The following GRK4 variants were observed in gnomAD, a reference collection of about 807,000 sequenced individuals.
GRK4 encodes G protein-coupled receptor kinase 4.
GRK4 carries 73 observed loss-of-function variants against 77.9 expected under a neutral mutation model. The observed-to-expected ratio is 0.94, with a 90% CI of 0.78 to 1.14. The LOEUF (loss-of-function observed/expected upper bound fraction) is 1.14, where lower values mean the gene tolerates loss of function less well. GRK4 is among the 50% of genes most tolerant of loss of function. GRK4 has a pLI of 0.00. For synonymous variants in GRK4, 257 were observed against 254.4 expected, an observed-to-expected ratio of 1.01 and a Z score of -0.10; for missense variants, 729 against 700.2, an observed-to-expected ratio of 1.04 and a Z score of -0.46.
intron 5 of GRK4, among the ~76,000 whole-genome samples, chr4:3,006,868 G>C (rs1731495796): frequency 6.6e-6 from 1 of 152,104 alleles, no homozygotes; most frequent in Admixed American, 6.6e-5. Flanking sequence ...ACTGGTCCTG[G>C]GATATTGTGA....
intron 15 of GRK4, among the ~76,000 whole-genome samples, chr4:3,040,153 C>G (rs1241144429): frequency 1.3e-5 from 2 of 152,090 alleles, no homozygotes; most frequent in Non-Finnish European, 2.9e-5. Flanking sequence ...AAATTAGCAG[C>G]CCCCTGGCCG....
intron 9 of GRK4, among the ~76,000 whole-genome samples, chr4:3,020,087 C>T (rs1026031281): frequency 2.6e-5 from 4 of 152,112 alleles, no homozygotes; most frequent in Non-Finnish European, 4.4e-5. Flanking sequence ...GGCACAATCT[C>T]GGCTCACTGC....
chr4:3,037,452 G>T lies in GRK4; in HGVS notation c.1486G>T (p.Asp496Tyr). 1 of 1,612,370 alleles carries T rather than the reference G, an allele frequency of 6.2e-7. No individual in the cohort carries two copies. Reference protein sequence around the residue: ...VVKGIYLDTADEDFYARFATG... With the variant: ...VVKGIYLDTAYEDFYARFATG... Reference sequence around the variant, plus strand: ...GAAAGGGATCTACCTGGACACCGCAGATGAAGACTTCTATGCTCGGTTTGC... The same window carrying T: ...GAAAGGGATCTACCTGGACACCGCATATGAAGACTTCTATGCTCGGTTTGC... Residue 496 changes from aspartate to tyrosine, a missense_variant, in exon 14 of 16, where the codon GAT becomes TAT. Physicochemically the swap from Asp to Tyr is radical, Grantham distance 160 (BLOSUM62 -3). Coordinates refer to ENST00000398052, the MANE Select transcript of GRK4 (RefSeq NM_182982.3).
chr4:2,978,930 C>T (rs1417776906), intron 1 of GRK4, among the ~76,000 whole-genome samples: 1 of 151,254 alleles, frequency 6.6e-6, no homozygotes. Flanking sequence ...CCGTCTCTTA[C>T]TGAAAATACA....
chr4:2,999,735 T>G (rs1021129837), intron 4 of GRK4, among the ~76,000 whole-genome samples: 5 of 152,186 alleles, frequency 3.3e-5, no homozygotes, highest in Non-Finnish European at 7.3e-5. Context: ...AGTGACTTCT[T>G]AGATATGACA....
Position 2,964,117 on chromosome 4 carries a change from G to C in GRK4, c.47G>C (p.Arg16Pro). ...GCCAACTCGCTGCTGCTGAAAGCGC[G>C]TCAAGGTGGGTGCGCGGCAGGCGCC... ...IVANSLLLKA[R>P]QGGYGKKSGR... Residue 16 changes from arginine (R) to proline (P), a missense_variant, in exon 1 of 16, where the codon CGT becomes CCT. Physicochemically the swap from Arg to Pro is moderately radical, Grantham distance 103 (BLOSUM62 -2). Transcript: ENST00000398052. 1 of 1,603,006 alleles carries C rather than the reference G, an allele frequency of 6.2e-7. No homozygotes were observed. Among genetic ancestry groups the C allele is most frequent in the Non-Finnish European group, 8.5e-7 (1 of 1,177,110 alleles).
At chr4:2,989,516 C>A (rs1330727307) in intron 3 of GRK4, among the ~76,000 whole-genome samples, 1 of 152,148 alleles carries the variant, frequency 6.6e-6, no homozygotes, top group Admixed American at 6.5e-5. Flanking sequence ...TGGGTTCAAG[C>A]AATTCTTCTG....
chr4:3,040,569 T>C lies in GRK4; in HGVS notation c.1684-3T>C. On this transcript the variant is annotated splice_polypyrimidine_tract_variant and splice_region_variant and intron_variant, in intron 15 of 15. Coordinates refer to ENST00000398052, the MANE Select transcript of GRK4 (RefSeq NM_182982.3). ...TGCCTGAGGCCGCCGCTGTGTGTTG[T>C]AGGGCTGCCTGACCATGGTCCCCAG... The C allele has an allele frequency of 6.2e-7, 1 of 1,608,632 alleles. No individual in the cohort carries two copies. Among genetic ancestry groups the C allele is most frequent in the Non-Finnish European group, 8.5e-7 (1 of 1,177,858 alleles).
At chr4:3,010,214 T>TTTTTGTTTTG (rs56964555) in intron 7 of GRK4, among the ~76,000 whole-genome samples, 1 of 151,824 alleles carries the variant, frequency 6.6e-6, no homozygotes, top group Non-Finnish European at 1.5e-5. Context: ...AGGGGTGTTT[T>TTTTTGTTTTG]TTTTGTTTTG....
In GRK4 at chr4:2,963,928, G is replaced by A; in HGVS notation, c.-143G>A. The A allele has an allele frequency of 1.3e-6, 1 of 777,352 alleles. No individual in the cohort carries two copies. The highest frequency in any genetic ancestry group is 1.5e-5 in the South Asian group (1 of 67,396). 48.2% of individuals were successfully genotyped at this position (777,352 alleles called of 1,614,324 possible). A position where few individuals can be genotyped will look rare whatever the true frequency, so the allele number is the denominator to read the frequency against. Reference sequence around the variant, plus strand: ...CCTTGGTGGCAGTGGTGGCGGCGGAGCAGCCTCCCGGGATCGTGTCCGGAG... The same window carrying A: ...CCTTGGTGGCAGTGGTGGCGGCGGAACAGCCTCCCGGGATCGTGTCCGGAG... On this transcript the variant is annotated 5_prime_UTR_variant, in exon 1 of 16. Transcript: ENST00000398052.
chr4:3,027,255 C>T (rs557383902), intron 10 of GRK4, among the ~76,000 whole-genome samples: 2 of 152,276 alleles, frequency 1.3e-5, no homozygotes, highest in South Asian at 4.1e-4. Context: ...TCATGTTTCC[C>T]AGGCTGGTCT....
Position 3,035,453 on chromosome 4 carries a change from A to ACT in GRK4, c.1338_1339insTC (p.Pro447SerfsTer42). 21 of 1,613,838 alleles carry ACT rather than the reference A, an allele frequency of 1.3e-5. No individual in the cohort carries two copies. Among genetic ancestry groups the ACT allele is most frequent in the Non-Finnish European group, 1.6e-5 (19 of 1,179,884 alleles). ...GAGGGAGCGGCTGGGGTGAAGCAGC[A>ACT]CCCCGTGTTCAAGGACATCAACTTC... On this transcript the variant is annotated frameshift_variant, in exon 13 of 16. Coordinates refer to ENST00000398052, the MANE Select transcript of GRK4 (RefSeq NM_182982.3). LOFTEE classifies it high-confidence loss of function.
At chr4:2,991,686 A>C (rs1268640097) in intron 3 of GRK4, among the ~76,000 whole-genome samples, 2 of 151,412 alleles carry the variant, frequency 1.3e-5, no homozygotes, top group African/African-American at 2.4e-5. Context: ...TAATTTTTGT[A>C]ATTTTAGTAC....
intron 1 of GRK4, among the ~76,000 whole-genome samples, chr4:2,974,055 G>A (rs1435362968): frequency 6.6e-6 from 1 of 152,092 alleles, no homozygotes. Flanking sequence ...TCGCTATGTT[G>A]CCCAGGCTGG....
Position 2,978,922 on chromosome 4 carries a change from G to A in GRK4, c.53-5591G>A, listed in dbSNP as rs146796885. On this transcript the variant is annotated intron_variant, in intron 1 of 15. Transcript: ENST00000398052. Reference sequence around the variant, plus strand: ...AGCCTGGCCCACATGCTGAAACCCCGTCTCTTACTGAAAATACACAAATTA... The same window carrying A: ...AGCCTGGCCCACATGCTGAAACCCCATCTCTTACTGAAAATACACAAATTA... 2.3e-4 allele frequency among the ~76,000 whole-genome samples: 35 copies of A among 151,646 alleles called. No homozygotes were observed. The East Asian group carries it at 5.0e-3, about 22-fold the overall frequency.
At chr4:2,972,146 C>G (rs1037511508) in intron 1 of GRK4, among the ~76,000 whole-genome samples, 2 of 152,174 alleles carry the variant, frequency 1.3e-5, no homozygotes, top group Non-Finnish European at 2.9e-5. Flanking sequence ...TGTGGCCCCA[C>G]TTTACTGCCT....
intron 3 of GRK4, among the ~76,000 whole-genome samples, chr4:2,990,246 C>CTTTTTTTTTTT (rs71644371): frequency 1.3e-4 from 9 of 70,750 alleles, no homozygotes; most frequent in East Asian, 3.6e-4. Flanking sequence ...TCTTCTTCTT[C>CTTTTTTTTTTT]TTTTTTTTTT....
chr4:2,965,464 G>A (rs1275840620), intron 1 of GRK4: 17 of 702,864 alleles, frequency 2.4e-5, no homozygotes, highest in Admixed American at 4.0e-5. Flanking sequence ...ATTTCCTTGC[G>A]TGATGGAGCA....
At chr4:2,970,582 C>T (rs998810168) in intron 1 of GRK4, among the ~76,000 whole-genome samples, 23 of 150,614 alleles carry the variant, frequency 1.5e-4, no homozygotes, top group African/African-American at 5.6e-4. Context: ...CACTTGAACC[C>T]GGGAGGTGGA....
Sources: gnomAD v4.1 joint callset for allele counts (sites outside exome capture counted in the v4.1 genomes callset) on GRCh38, gnomAD v4.1.1 for gene constraint, MANE v1.5 for transcripts, NCBI Gene and HGNC (gene_info 2026-07-23, HGNC 2026-07-21) for gene names.